The following FAIM2 variants were observed in gnomAD, a reference collection of about 807,000 sequenced individuals.
The protein encoded by FAIM2 is Fas apoptotic inhibitory molecule 2.
A neutral mutation model predicts 47.4 loss-of-function variants in FAIM2; 27 were observed. That is an observed-to-expected ratio of 0.57 (90% CI 0.42 to 0.78). FAIM2 has a LOEUF of 0.78. FAIM2 is among the 30% of genes least tolerant of loss of function. The pLI, the probability that FAIM2 is intolerant of heterozygous loss-of-function variation, is 0.00. For synonymous variants in FAIM2, 156 were observed against 159.3 expected (o/e 0.98, Z 0.16); for missense variants, 311 against 389.4 (o/e 0.80, Z 1.69).
intron 11 of FAIM2, among the ~76,000 whole-genome samples, chr12:49,886,473 TTTATTA>T (rs923962348): frequency 2.0e-5 from 3 of 152,066 alleles, no homozygotes; most frequent in Admixed American, 2.0e-4. Flanking sequence ...TCTTAATTTA[TTTATTA>T]TTATTATTAT....
intron 5 of FAIM2, among the ~76,000 whole-genome samples, chr12:49,894,113 G>A (rs1286351323): frequency 1.3e-5 from 2 of 152,178 alleles, no homozygotes; most frequent in African/African-American, 4.8e-5. Context: ...GTGTGACCTT[G>A]GACAATAGCC....
Position 49,869,190 on chromosome 12 carries a change from G to T in FAIM2, c.*1314C>A, listed in dbSNP as rs1217842577. 6.5e-6 allele frequency: 1 copy of T among 152,940 alleles called. No individual in the cohort carries two copies. The highest frequency in any genetic ancestry group is 1.5e-5 in the Non-Finnish European group (1 of 68,494). The allele number at this position is 152,940 out of a possible 1,614,324, so 9.5% of individuals were successfully genotyped here. A position where few individuals can be genotyped will look rare whatever the true frequency, so the allele number is the denominator to read the frequency against. On this transcript the variant is annotated 3_prime_UTR_variant, in exon 12 of 12. Coordinates refer to ENST00000320634, the MANE Select transcript of FAIM2 (RefSeq NM_012306.4). ...CCTCCCCACAGGCGCCCCTCTGGGG[G>T]TTGGAGGGCTGACGCACACCCTGCC...
At chr12:49,902,636 G>A (rs1946989100) in intron 1 of FAIM2, among the ~76,000 whole-genome samples, 1 of 151,984 alleles carries the variant, frequency 6.6e-6, no homozygotes, top group South Asian at 2.1e-4. Flanking sequence ...AGACTCAGCA[G>A]AAGGGGTGAG....
chr12:49,877,890 G>GT (rs1592784704), intron 11 of FAIM2, among the ~76,000 whole-genome samples: 1 of 150,674 alleles, frequency 6.6e-6, no homozygotes, highest in East Asian at 1.9e-4. Context: ...ATGTGTATGT[G>GT]GGTATGTGTG....
chr12:49,872,606 G>GC (rs1946711029), intron 11 of FAIM2, among the ~76,000 whole-genome samples: 1 of 152,218 alleles, frequency 6.6e-6, no homozygotes, highest in Non-Finnish European at 1.5e-5. Context: ...CCCCCGGCAG[G>GC]CCCAAGAGGC....
chr12:49,887,297 G>A, intron 11 of FAIM2, 89 bp downstream of exon 11: 1 of 1,205,366 alleles, frequency 8.3e-7, no homozygotes, highest in Non-Finnish European at 1.2e-6. Flanking sequence ...CCAGGGAAGA[G>A]GGCTGTGAGG....
chr12:49,889,330 C>T, intron 9 of FAIM2, 128 bp from the exon 10 acceptor site: 2 of 952,012 alleles, frequency 2.1e-6, no homozygotes, highest in Non-Finnish European at 3.3e-6. Flanking sequence ...CCTTCCCCTC[C>T]TCCCCCTCAT....
At chr12:49,882,405 G>A (rs1308500016) in intron 11 of FAIM2, among the ~76,000 whole-genome samples, 1 of 152,160 alleles carries the variant, frequency 6.6e-6, no homozygotes, top group East Asian at 1.9e-4. Context: ...GCCTCCGAGG[G>A]CCTTCGTCTA....
intron 11 of FAIM2, among the ~76,000 whole-genome samples, chr12:49,877,120 T>C (rs1011550963): frequency 4.6e-5 from 7 of 152,216 alleles, no homozygotes; most frequent in African/African-American, 1.7e-4. Context: ...CAGAAGTTCC[T>C]TTCTGCCCCC....
intron 5 of FAIM2, among the ~76,000 whole-genome samples, chr12:49,894,318 C>T (rs1592793171): frequency 6.6e-6 from 1 of 152,208 alleles, no homozygotes; most frequent in African/African-American, 2.4e-5. Flanking sequence ...CACCTCCACC[C>T]AGCTCTGGTC....
chr12:49,894,496 A>C (rs1030923058), intron 5 of FAIM2, among the ~76,000 whole-genome samples: 2 of 152,188 alleles, frequency 1.3e-5, no homozygotes, highest in African/African-American at 2.4e-5. Flanking sequence ...GGAGGCTGGC[A>C]GCCCAGGGGG....
chr12:49,901,480 T>C, intron 1 of FAIM2, 155 bp from the exon 2 acceptor site: 1 of 585,688 alleles, frequency 1.7e-6, no homozygotes, highest in South Asian at 2.6e-5. Flanking sequence ...CTCTATTTTA[T>C]AGACAAGAGA....
intron 11 of FAIM2, 97 bp downstream of exon 11, chr12:49,887,289 A>G (rs903212585): frequency 4.0e-5 from 45 of 1,129,924 alleles, no homozygotes; most frequent in Non-Finnish European, 1.8e-5. Context: ...CCGAGGATCC[A>G]GGGAAGAGGG....
At chr12:49,877,958 G>T in intron 11 of FAIM2, among the ~76,000 whole-genome samples, 1 of 141,540 alleles carries the variant, frequency 7.1e-6, no homozygotes, top group South Asian at 2.1e-4. Flanking sequence ...GCGTATGTGT[G>T]TGTATGTGTA....
chr12:49,896,977 C>T, intron 5 of FAIM2, 54 bp downstream of exon 5: 4 of 1,406,302 alleles, frequency 2.8e-6, no homozygotes, highest in Non-Finnish European at 3.0e-6. Flanking sequence ...GAGATTCCCT[C>T]TTCTGGCCAC....
chr12:49,877,846 AG>A (rs1592784660), intron 11 of FAIM2, among the ~76,000 whole-genome samples: 1 of 149,778 alleles, frequency 6.7e-6, no homozygotes, highest in East Asian at 2.0e-4. Flanking sequence ...ATATGTGTGT[AG>A]GTGTGTGCAT....
In FAIM2 at chr12:49,889,179, G is replaced by A. The variant is rs757416721; in HGVS notation, c.675C>T (p.Gly225=). The A allele has an allele frequency of 1.6e-5, 25 of 1,611,718 alleles. No homozygotes were observed. The highest frequency in any genetic ancestry group is 3.3e-5 in the Admixed American group (2 of 59,716). ...QTKFDFTSCQ[G]VLFVLLMTLF... ...GAGTCATGAGAAGCACGAAGAGCACGCCCTGGCAGGAGGTGAAGTCGAACT... is the reference window on the plus strand; with the variant it reads ...GAGTCATGAGAAGCACGAAGAGCACACCCTGGCAGGAGGTGAAGTCGAACT... The change falls in exon 10 of 12, where the codon GGC becomes GGT. Residue 225 remains glycine, a synonymous_variant. Coordinates refer to ENST00000320634, the MANE Select transcript of FAIM2 (RefSeq NM_012306.4).
At chr12:49,894,032 G>A (rs1445493276) in intron 5 of FAIM2, among the ~76,000 whole-genome samples, 3 of 152,198 alleles carry the variant, frequency 2.0e-5, no homozygotes, top group African/African-American at 7.2e-5. Flanking sequence ...AGGGGCCAAA[G>A]ACCCTGAGAT....
chr12:49,897,419 C>T lies in FAIM2; in HGVS notation c.380+100G>A, dbSNP rs893009708. The T allele has an allele frequency of 3.2e-5, 37 of 1,144,622 alleles. 1 individual carries two copies. The highest frequency in any genetic ancestry group is 2.4e-4 in the Admixed American group (13 of 54,600). The allele number at this position is 1,144,622 out of a possible 1,614,324, so 70.9% of individuals were successfully genotyped here. ...GAGGCCCACTGCCCCACAGGCATCT[C>T]TCCAGGCAGCATTCCAGCAGGAGTC... On this transcript the variant is annotated intron_variant, in intron 4 of 11. Coordinates refer to ENST00000320634, the MANE Select transcript of FAIM2 (RefSeq NM_012306.4).
Sources: allele counts gnomAD v4.1 joint callset (sites outside exome capture counted in the v4.1 genomes callset), GRCh38; gene constraint gnomAD v4.1.1; transcripts MANE v1.5; gene names NCBI Gene and HGNC (gene_info 2026-07-23, HGNC 2026-07-21).